DIMT1: variants seen among roughly 807,000 people sequenced by gnomAD.
DIMT1 encodes the protein DIM1 rRNA methyltransferase and ribosome maturation factor, also known as dimethyladenosine transferase.
DIMT1 carries 36 observed loss-of-function variants against 43.2 expected under a neutral mutation model. The ratio of observed to expected loss-of-function variants is 0.83; its 90% CI spans 0.64 to 1.10. The LOEUF is 1.10. Among genes scored for constraint, DIMT1 ranks in the 50% least tolerant of loss-of-function variants. DIMT1 has a pLI of 0.00. For missense variants in DIMT1, 341 were observed against 385.3 expected, an observed-to-expected ratio of 0.88 and a Z score of 0.96; for synonymous variants, 126 against 130.3, an observed-to-expected ratio of 0.97 and a Z score of 0.22.
chr5:62,389,549 C>G (rs1378814451), intron 11 of DIMT1, among the ~76,000 whole-genome samples: 5 of 149,510 alleles, frequency 3.3e-5, no homozygotes, highest in African/African-American at 5.0e-5. Context: ...TTGGTTAAAA[C>G]CATGCCATGT....
At chr5:62,390,736 T>A in intron 11 of DIMT1, 140 bp downstream of exon 11, 1 of 684,158 alleles carries the variant, frequency 1.5e-6, no homozygotes, top group East Asian at 2.6e-5. Context: ...CTACACCAAA[T>A]ACTATTCCAT....
chr5:62,397,587 GC>G (rs1742541892), intron 6 of DIMT1, among the ~76,000 whole-genome samples: 1 of 152,086 alleles, frequency 6.6e-6, no homozygotes, highest in African/African-American at 2.4e-5. Flanking sequence ...CATTGTCTCA[GC>G]CCTTCTTAAA....
At chr5:62,389,484 T>G (rs1580117259) in intron 11 of DIMT1, among the ~76,000 whole-genome samples, 1 of 39,868 alleles carries the variant, frequency 2.5e-5, no homozygotes, top group South Asian at 5.2e-4. Context: ...AGACTCTGTC[T>G]CAAAAAAAAA....
Position 62,403,849 on chromosome 5 carries a change from G to C in DIMT1, c.-77C>G. ...GGCTAGCGTGAGAAAGCCACCACGT[G>C]GGGATCGCCGCCACGCGCCGCCCGC... On this transcript the variant is annotated 5_prime_UTR_variant, in exon 1 of 12. Transcript: ENST00000199320. 1 of 1,476,576 alleles carries C rather than the reference G, an allele frequency of 6.8e-7. No individual in the cohort carries two copies. Among genetic ancestry groups the C allele is most frequent in the Non-Finnish European group, 9.2e-7 (1 of 1,086,180 alleles). 91.5% of individuals were successfully genotyped at this position (1,476,576 alleles called of 1,614,324 possible).
At chr5:62,389,466 A>T (rs977380173) in intron 11 of DIMT1, among the ~76,000 whole-genome samples, 2 of 119,296 alleles carry the variant, frequency 1.7e-5, no homozygotes, top group South Asian at 5.2e-4. Flanking sequence ...AGCCTGGGTG[A>T]CAGAGCAAGA....
Position 62,387,384 on chromosome 5 carries a change from G to A in DIMT1, c.*1626C>T, listed in dbSNP as rs1274460384. Reference sequence around the variant, plus strand: ...AACTTTCAAAGGGCAATAAAGACATGTGAATTTGCTCATTTTAAAGCACAA... The same window carrying A: ...AACTTTCAAAGGGCAATAAAGACATATGAATTTGCTCATTTTAAAGCACAA... On this transcript the variant is annotated 3_prime_UTR_variant, in exon 12 of 12. Coordinates refer to ENST00000199320, the MANE Select transcript of DIMT1 (RefSeq NM_014473.4). 6.6e-6 allele frequency: 1 copy of A among 152,162 alleles called. No homozygotes were observed. The highest frequency in any genetic ancestry group is 1.5e-5 in the Non-Finnish European group (1 of 68,042). 9.4% of individuals were successfully genotyped at this position (152,162 alleles called of 1,614,324 possible).
intron 10 of DIMT1, 66 bp from the exon 11 acceptor site, chr5:62,391,048 T>TTTA: frequency 1.5e-6 from 2 of 1,335,042 alleles, no homozygotes; most frequent in Non-Finnish European, 2.2e-6. Flanking sequence ...GACTCTTTTT[T>TTTA]TTAGTTCAGT....
At chr5:62,393,872 A>G (rs1742389045) in intron 8 of DIMT1, 83 bp downstream of exon 8, 5 of 1,213,606 alleles carry the variant, frequency 4.1e-6, no homozygotes, top group Admixed American at 2.6e-5. Flanking sequence ...GGTTGATTCA[A>G]TATTTTTCTG....
At position 62,391,768 on chromosome 5, in the gene DIMT1, A is replaced by G. The variant is rs1376332472; in HGVS notation, c.792+403T>C. On this transcript the variant is annotated intron_variant, in intron 10 of 11. Coordinates refer to ENST00000199320, the MANE Select transcript of DIMT1 (RefSeq NM_014473.4). ...TTTCAATTTCTATACAAAGAAAGTAATAACTATATTTGTAACTGCTATGTG... is the reference window on the plus strand; with the variant it reads ...TTTCAATTTCTATACAAAGAAAGTAGTAACTATATTTGTAACTGCTATGTG... The G allele has an allele frequency of 1.2e-5, 17 of 1,374,444 alleles. No homozygotes were observed. In the African/African-American group the frequency reaches 2.2e-4, roughly 18 times the overall value. 85.1% of individuals were successfully genotyped at this position (1,374,444 alleles called of 1,614,324 possible). A position where few individuals can be genotyped will look rare whatever the true frequency, so the allele number is the denominator to read the frequency against.
Position 62,392,993 on chromosome 5 carries a change from G to GA in DIMT1, c.664-4dup, listed in dbSNP as rs1388235380. ...ATCCTTACTAGACCATCCCATTCCT[G>GA]AAATAGAAGATAGACATTTTCTTCA... On this transcript the variant is annotated splice_polypyrimidine_tract_variant and splice_region_variant and intron_variant, in intron 8 of 11. Coordinates refer to ENST00000199320, the MANE Select transcript of DIMT1 (RefSeq NM_014473.4). 6.2e-7 allele frequency: 1 copy of GA among 1,600,650 alleles called. No individual in the cohort carries two copies.
chr5:62,398,791 T>C (rs778036523), intron 4 of DIMT1, 29 bp downstream of exon 4: 1 of 1,613,842 alleles, frequency 6.2e-7, no homozygotes. Flanking sequence ...GAGATTGAAA[T>C]GCACTTTAAT....
At chr5:62,389,391 CAGG>C (rs1742185948) in intron 11 of DIMT1, among the ~76,000 whole-genome samples, 1 of 148,878 alleles carries the variant, frequency 6.7e-6, no homozygotes, top group Non-Finnish European at 1.5e-5. Flanking sequence ...GTGGTTGAGG[CAGG>C]AGATTTGCCT....
intron 6 of DIMT1, among the ~76,000 whole-genome samples, chr5:62,397,108 C>T (rs559903044): frequency 3.9e-5 from 6 of 152,076 alleles, no homozygotes; most frequent in Non-Finnish European, 5.9e-5. Context: ...CACCACAATG[C>T]CCAGCTAATT....
intron 8 of DIMT1, among the ~76,000 whole-genome samples, chr5:62,393,364 T>C (rs746937321): frequency 6.6e-6 from 1 of 151,990 alleles, no homozygotes; most frequent in East Asian, 1.9e-4. Flanking sequence ...CTAGGCAACA[T>C]AGTGAAACCC....
chr5:62,390,914 G>T lies in DIMT1; in HGVS notation c.861C>A (p.Asp287Glu). The change falls in exon 11 of 12, where the codon GAC becomes GAA. Residue 287 changes from aspartate to glutamate, a missense_variant. Physicochemically the swap from Asp to Glu is conservative, Grantham distance 45 (BLOSUM62 2). Transcript: ENST00000199320. ...CTATGTCCATGGAACGGGCCCGTTT[G>T]TCACTAAAACCTGTGCTGGTTAGGA... ...QQILTSTGFS[D>E]KRARSMDIDD... 6.2e-7 allele frequency: 1 copy of T among 1,612,214 alleles called. No homozygotes were observed. The highest frequency in any genetic ancestry group is 1.1e-5 in the South Asian group (1 of 91,008).
At chr5:62,396,952 T>C (rs1742517861) in intron 6 of DIMT1, among the ~76,000 whole-genome samples, 1 of 152,140 alleles carries the variant, frequency 6.6e-6, no homozygotes, top group Non-Finnish European at 1.5e-5. Context: ...TTCAGGATCT[T>C]GTTTTCTTTT....
In DIMT1 at chr5:62,398,558, G is replaced by A. The variant is rs1742583070; in HGVS notation, c.399C>T (p.Ile133=). ...DTCVANLPYQ[I]SSPFVFKLLL... ...ACAGCTTGAAGACAAAAGGTGAAGA[G>A]ATCTGTAAGAGAATTAACTAGTTAT... is the stretch of plus-strand genomic sequence containing the variant. The change falls in exon 6 of 12, where the codon ATC becomes ATT. Residue 133 remains isoleucine (I), a splice_region_variant and synonymous_variant. Transcript: ENST00000199320. 6.2e-7 allele frequency: 1 copy of A among 1,612,684 alleles called. No homozygotes were observed. Among genetic ancestry groups the A allele is most frequent in the East Asian group, 2.2e-5 (1 of 44,806 alleles).
Position 62,388,467 on chromosome 5 carries a change from C to G in DIMT1, c.*543G>C, listed in dbSNP as rs1580115878. ...TAGGATAGCGAAAGAGGTAGGCAAT[C>G]GTAACAGACACTGTATAGGATAAAT... On this transcript the variant is annotated 3_prime_UTR_variant, in exon 12 of 12. Coordinates refer to ENST00000199320, the MANE Select transcript of DIMT1 (RefSeq NM_014473.4). 1 of 152,586 alleles carries G rather than the reference C, an allele frequency of 6.6e-6. No individual in the cohort carries two copies. The highest frequency in any genetic ancestry group is 2.4e-5 in the African/African-American group (1 of 41,480). The allele number at this position is 152,586 out of a possible 1,614,324, so 9.5% of individuals were successfully genotyped here.
chr5:62,393,412 T>C (rs933850519), intron 8 of DIMT1, among the ~76,000 whole-genome samples: 7 of 152,092 alleles, frequency 4.6e-5, no homozygotes, highest in African/African-American at 1.7e-4. Flanking sequence ...AACAAAATGG[T>C]CCCACATCTG....
Sources: gnomAD v4.1 joint callset for allele counts (sites outside exome capture counted in the v4.1 genomes callset) on GRCh38, gnomAD v4.1.1 for gene constraint, MANE v1.5 for transcripts, NCBI Gene and HGNC (gene_info 2026-07-23, HGNC 2026-07-21) for gene names.